Variants in MAEA observed in about 807,000 individuals in gnomAD.
The protein encoded by MAEA is E3 ubiquitin-protein transferase MAEA.
A neutral mutation model predicts 46.2 loss-of-function variants in MAEA; 22 were observed. The observed-to-expected ratio is 0.48, with a 90% CI of 0.34 to 0.68. MAEA has a LOEUF of 0.68. Ranked by LOEUF, MAEA falls within the 30% of genes least tolerant of loss-of-function variation. The pLI is 0.01. For synonymous variants in MAEA, 246 were observed against 222.6 expected, an observed-to-expected ratio of 1.11 and a Z score of -0.94; for missense variants, 393 against 558.1, an observed-to-expected ratio of 0.70 and a Z score of 2.98.
Position 1,315,491 on chromosome 4 carries a change from C to G in MAEA, c.347C>G (p.Ala116Gly). The G allele has an allele frequency of 6.2e-7, 1 of 1,613,912 alleles. No individual in the cohort carries two copies. The change falls in exon 3 of 9, where the codon GCG (alanine) becomes GGG (glycine). Residue 116 changes from alanine (A) to glycine (G), a missense_variant. By Grantham distance (60) the Ala-to-Gly change is moderately conservative. Coordinates refer to ENST00000303400, the MANE Select transcript of MAEA (RefSeq NM_001017405.3). ...LKEHSSDQPA[A>G]ASVWKRKRMD... ...GAGCATAGCAGCGACCAGCCCGCGG[C>G]GGCCAGCGTGTGGAAGAGGAAGCGC...
intron 1 of MAEA, among the ~76,000 whole-genome samples, chr4:1,308,822 C>T (rs777828406): frequency 6.6e-6 from 1 of 152,244 alleles, no homozygotes; most frequent in Non-Finnish European, 1.5e-5. Flanking sequence ...GCTCCATATG[C>T]AGATCCCTGG....
chr4:1,323,457 A>T, intron 4 of MAEA: 1 of 702,518 alleles, frequency 1.4e-6, no homozygotes, highest in Non-Finnish European at 2.6e-6. Flanking sequence ...GGCAGGGTGC[A>T]CGCAGTTACC....
chr4:1,312,527 T>C, intron 2 of MAEA: 1 of 207,776 alleles, frequency 4.8e-6, no homozygotes, highest in South Asian at 6.6e-5. Flanking sequence ...CCTCCGGGGT[T>C]CAGGCGATTC....
At position 1,295,784 on chromosome 4, in the gene MAEA, C is replaced by T. The variant is rs149267883; in HGVS notation, c.69+5802C>T. On this transcript the variant is annotated intron_variant, in intron 1 of 8. Coordinates refer to ENST00000303400, the MANE Select transcript of MAEA (RefSeq NM_001017405.3). ...CGTGCCTCTGCCCCCCTCACCCGCG[C>T]CTGTGCCCCCCTCCCCAGCGCCTGT... 8.0e-4 allele frequency among the ~76,000 whole-genome samples: 69 copies of T among 86,372 alleles called. No homozygotes were observed. In the East Asian group the frequency reaches 9.6e-3, roughly 12 times the overall value. 56.7% of individuals were successfully genotyped at this position (86,372 alleles called of 152,430 possible).
intron 1 of MAEA, among the ~76,000 whole-genome samples, chr4:1,308,372 A>G (rs1036905181): frequency 6.6e-6 from 1 of 152,144 alleles, no homozygotes; most frequent in Non-Finnish European, 1.5e-5. Context: ...CTGGTGATGG[A>G]CATGTGGGTG....
chr4:1,290,183 G>A (rs1424250245), intron 1 of MAEA, among the ~76,000 whole-genome samples: 1 of 151,570 alleles, frequency 6.6e-6, no homozygotes, highest in African/African-American at 2.4e-5. Flanking sequence ...GGCCCTGCCA[G>A]GCGCCCGACT....
chr4:1,336,520 C>T (rs531812727), intron 6 of MAEA, among the ~76,000 whole-genome samples: 1 of 152,194 alleles, frequency 6.6e-6, no homozygotes, highest in South Asian at 2.1e-4. Context: ...ACTTGTCCCG[C>T]AGCATGTTGA....
chr4:1,324,479 C>A (rs1426334764), intron 4 of MAEA, among the ~76,000 whole-genome samples: 1 of 132,428 alleles, frequency 7.6e-6, no homozygotes, highest in Non-Finnish European at 1.6e-5. Context: ...GATGACCGTG[C>A]CTGGTGTTGG....
chr4:1,327,322 C>T (rs1738970962), intron 4 of MAEA, among the ~76,000 whole-genome samples: 2 of 152,228 alleles, frequency 1.3e-5, no homozygotes, highest in African/African-American at 4.8e-5. Context: ...TCTGCCCTCC[C>T]AGCTGTGCTC....
chr4:1,333,596 T>C (rs1712144098), intron 6 of MAEA, among the ~76,000 whole-genome samples: 1 of 152,106 alleles, frequency 6.6e-6, no homozygotes, highest in Admixed American at 6.5e-5. Flanking sequence ...CCAGGCACCC[T>C]GTGCTCAGAC....
At chr4:1,322,943 C>CCTTTTTTTTTTTTTTTTTTTTTTTT (rs1560368750) in intron 4 of MAEA, among the ~76,000 whole-genome samples, 2 of 75,244 alleles carry the variant, frequency 2.7e-5, no homozygotes. Context: ...TGAATACCCA[C>CCTTTTTTTTTTTTTTTTTTTTTTTT]TTTTTTTTTT....
intron 4 of MAEA, 145 bp from the exon 5 acceptor site, chr4:1,327,482 C>G: frequency 1.4e-6 from 1 of 707,930 alleles, no homozygotes; most frequent in Non-Finnish European, 2.5e-6. Flanking sequence ...CAGCTTCAGC[C>G]TCAGCCCTGC....
chr4:1,328,268 C>T (rs566904710), intron 5 of MAEA, among the ~76,000 whole-genome samples: 1 of 152,232 alleles, frequency 6.6e-6, no homozygotes, highest in East Asian at 1.9e-4. Context: ...CTGGCTGTCA[C>T]TGTGGCTCAG....
intron 4 of MAEA, among the ~76,000 whole-genome samples, chr4:1,325,501 G>A (rs765762009): frequency 3.9e-5 from 6 of 152,220 alleles, no homozygotes; most frequent in Non-Finnish European, 8.8e-5. Flanking sequence ...AGCAAAAGGT[G>A]TTATTGAAAA....
intron 1 of MAEA, among the ~76,000 whole-genome samples, chr4:1,297,608 G>T (rs938777591): frequency 6.6e-6 from 1 of 152,104 alleles, no homozygotes; most frequent in African/African-American, 2.4e-5. Context: ...ACAGTCTGAC[G>T]CGGTCGCCTG....
Position 1,327,768 on chromosome 4 carries a change from C to T in MAEA, c.656+65C>T, listed in dbSNP as rs1273112042. 3.5e-6 allele frequency: 5 copies of T among 1,441,402 alleles called. No homozygotes were observed. The East Asian group carries it at 1.1e-4, about 33-fold the overall frequency. 89.3% of individuals were successfully genotyped at this position (1,441,402 alleles called of 1,614,324 possible). A position where few individuals can be genotyped will look rare whatever the true frequency, so the allele number is the denominator to read the frequency against. On this transcript the variant is annotated intron_variant, in intron 5 of 8. Coordinates refer to ENST00000303400, the MANE Select transcript of MAEA (RefSeq NM_001017405.3). ...GATGTTCGGCTGCGGCCCCTGCCAG[C>T]CCTCCCTGTCGTGGTCTGGGTCCTG...
intron 6 of MAEA, chr4:1,335,131 G>C (rs1712578229): frequency 1.0e-6 from 1 of 985,452 alleles, no homozygotes; most frequent in Non-Finnish European, 1.2e-6. Context: ...GTCTAAACCT[G>C]AGGTTATTTA....
At chr4:1,306,235 C>G (rs1020900014) in intron 1 of MAEA, among the ~76,000 whole-genome samples, 1 of 152,210 alleles carries the variant, frequency 6.6e-6, no homozygotes, top group East Asian at 1.9e-4. Context: ...TCGCGCTTTC[C>G]GCTGTGGTCT....
At chr4:1,299,273 C>T (rs578204958) in intron 1 of MAEA, among the ~76,000 whole-genome samples, 1 of 152,326 alleles carries the variant, frequency 6.6e-6, no homozygotes, top group South Asian at 2.1e-4. Flanking sequence ...GCAGCCCCTC[C>T]ATCTCCCTTG....
Sources: allele counts gnomAD v4.1 joint callset (sites outside exome capture counted in the v4.1 genomes callset), GRCh38; gene constraint gnomAD v4.1.1; transcripts MANE v1.5; gene names NCBI Gene and HGNC (gene_info 2026-07-23, HGNC 2026-07-21).